The following YIPF4 variants were observed in gnomAD, a reference collection of about 807,000 sequenced individuals.
YIPF4 encodes the protein Yip1 domain family member 4.
Under a neutral mutation model 29.4 loss-of-function variants are expected in YIPF4, and 18 were observed. That is an observed-to-expected ratio of 0.61 (90% CI 0.42 to 0.91). The LOEUF (loss-of-function observed/expected upper bound fraction) is 0.91. Ranked by LOEUF, YIPF4 falls within the 40% of genes least tolerant of loss-of-function variation. The probability of loss-of-function intolerance (pLI) is 0.00; values close to 1 mark genes in which losing one functional copy is unlikely to be tolerated. For missense variants in YIPF4, 279 were observed against 282.7 expected (o/e 0.99, Z 0.09); for synonymous variants, 115 against 104.7 (o/e 1.10, Z -0.60).
chr2:32,284,015 C>T (rs964567044), intron 1 of YIPF4, among the ~76,000 whole-genome samples: 4 of 152,046 alleles, frequency 2.6e-5, no homozygotes, highest in East Asian at 1.9e-4. Context: ...TGAGTCACCA[C>T]GCCAGGCCTA....
At chr2:32,281,175 T>C (rs1042469521) in intron 1 of YIPF4, among the ~76,000 whole-genome samples, 1 of 152,102 alleles carries the variant, frequency 6.6e-6, no homozygotes, top group Non-Finnish European at 1.5e-5. Flanking sequence ...CATAATATCC[T>C]CACACAATAT....
rs1169106392 is a variant in YIPF4 at position 32,313,591 on chromosome 2, C to G, written c.*7965C>G. 1 of 152,124 alleles carries G rather than the reference C, an allele frequency of 6.6e-6. No homozygotes were observed. Among genetic ancestry groups the G allele is most frequent in the Non-Finnish European group, 1.5e-5 (1 of 68,070 alleles). 9.4% of individuals were successfully genotyped at this position (152,124 alleles called of 1,614,324 possible). A position where few individuals can be genotyped will look rare whatever the true frequency, so the allele number is the denominator to read the frequency against. On this transcript the variant is annotated 3_prime_UTR_variant, in exon 6 of 6. Coordinates refer to ENST00000238831, the MANE Select transcript of YIPF4 (RefSeq NM_032312.4). Reference sequence around the variant, plus strand: ...ATGTAGGCCAAGCGGGTCTTGAACTCCCAACCTCCGGTGATCTGCCCACCT... The same window carrying G: ...ATGTAGGCCAAGCGGGTCTTGAACTGCCAACCTCCGGTGATCTGCCCACCT...
chr2:32,281,089 T>C (rs2030387293), intron 1 of YIPF4, among the ~76,000 whole-genome samples: 2 of 152,224 alleles, frequency 1.3e-5, no homozygotes, highest in Non-Finnish European at 2.9e-5. Flanking sequence ...TAAAAATCCA[T>C]GAAGTTTATT....
chr2:32,288,293 G>C (rs1380199214), intron 1 of YIPF4, among the ~76,000 whole-genome samples: 1 of 152,074 alleles, frequency 6.6e-6, no homozygotes, highest in African/African-American at 2.4e-5. Flanking sequence ...TCTTGCATCT[G>C]CGCTATGACA....
At chr2:32,287,912 T>C (rs2030746372) in intron 1 of YIPF4, among the ~76,000 whole-genome samples, 1 of 152,206 alleles carries the variant, frequency 6.6e-6, no homozygotes, top group Non-Finnish European at 1.5e-5. Flanking sequence ...ATTTTATATA[T>C]AGTATAGTAA....
Position 32,306,976 on chromosome 2 carries a change from C to T in YIPF4, c.*1350C>T. The stretch of plus-strand genomic sequence containing the variant: ...CAAATGAGTGTGTTATCAAGCCCAG[C>T]CGTCTTCCTTTCCCCTAATCCCAAA... On this transcript the variant is annotated 3_prime_UTR_variant, in exon 6 of 6. Transcript: ENST00000238831. 4.0e-6 allele frequency: 2 copies of T among 505,474 alleles called. No homozygotes were observed. The highest frequency in any genetic ancestry group is 8.5e-5 in the East Asian group (1 of 11,826). The allele number at this position is 505,474 out of a possible 1,614,324, so 31.3% of individuals were successfully genotyped here. A position where few individuals can be genotyped will look rare whatever the true frequency, so the allele number is the denominator to read the frequency against.
Position 32,306,682 on chromosome 2 carries a change from T to G in YIPF4, c.*1056T>G. On this transcript the variant is annotated 3_prime_UTR_variant, in exon 6 of 6. Transcript: ENST00000238831. ...TAAGGGAAATATTAAGAAATTTTTA[T>G]CAGTGAAATATTTGTTGCAAATAAT... 2.4e-6 allele frequency: 2 copies of G among 821,568 alleles called. No homozygotes were observed. The highest frequency in any genetic ancestry group is 2.9e-6 in the Non-Finnish European group (2 of 680,540). The allele number at this position is 821,568 out of a possible 1,614,324, so 50.9% of individuals were successfully genotyped here.
intron 1 of YIPF4, among the ~76,000 whole-genome samples, chr2:32,288,231 A>G (rs1025727437): frequency 6.6e-6 from 1 of 152,066 alleles, no homozygotes; most frequent in African/African-American, 2.4e-5. Context: ...TCTACTTTAC[A>G]TGGAACAGAA....
chr2:32,284,159 A>C (rs1029391807), intron 1 of YIPF4, among the ~76,000 whole-genome samples: 5 of 152,226 alleles, frequency 3.3e-5, no homozygotes, highest in African/African-American at 1.2e-4. Context: ...ATATGTACCA[A>C]GACAAATGCC....
rs1247783979 is a variant in YIPF4, at chr2:32,307,090, T to G, written c.*1464T>G. 2 of 1,290,806 alleles carry G rather than the reference T, an allele frequency of 1.5e-6. No homozygotes were observed. Among genetic ancestry groups the G allele is most frequent in the South Asian group, 1.3e-5 (1 of 78,150 alleles). 80.0% of individuals were successfully genotyped at this position (1,290,806 alleles called of 1,614,324 possible). ...AATGTAGAAAATTACATGTACTGAT[T>G]TTTTTAAAAACAGGTGAGAAGCACC... On this transcript the variant is annotated 3_prime_UTR_variant, in exon 6 of 6. Coordinates refer to ENST00000238831, the MANE Select transcript of YIPF4 (RefSeq NM_032312.4).
At chr2:32,284,467 A>T (rs2030567027) in intron 1 of YIPF4, among the ~76,000 whole-genome samples, 3 of 152,184 alleles carry the variant, frequency 2.0e-5, no homozygotes, top group Non-Finnish European at 4.4e-5. Flanking sequence ...TGTTCTTGTC[A>T]TAGTGAGTTC....
At chr2:32,289,750 G>C (rs573803477) in intron 1 of YIPF4, among the ~76,000 whole-genome samples, 1 of 152,104 alleles carries the variant, frequency 6.6e-6, no homozygotes, top group Admixed American at 6.5e-5. Context: ...TTTTAATGTG[G>C]ATAACTGAAT....
rs181489493 is a variant in YIPF4 at position 32,289,020 on chromosome 2, C to G, written c.80-1463C>G. On this transcript the variant is annotated intron_variant, in intron 1 of 5. Coordinates refer to ENST00000238831, the MANE Select transcript of YIPF4 (RefSeq NM_032312.4). The stretch of plus-strand genomic sequence containing the variant: ...TCTATTAGAAATAGACTTTTAAATT[C>G]CACCTCTCTCATTTCAACTTAGACA... 2.1e-3 allele frequency among the ~76,000 whole-genome samples: 316 copies of G among 152,212 alleles called. 1 individual carries two copies. Among genetic ancestry groups the G allele is most frequent in the African/African-American group, 7.0e-3 (292 of 41,532 alleles).
At chr2:32,288,348 C>G (rs560157460) in intron 1 of YIPF4, among the ~76,000 whole-genome samples, 6 of 152,170 alleles carry the variant, frequency 3.9e-5, no homozygotes, top group African/African-American at 1.4e-4. Flanking sequence ...TTCCTTAGCA[C>G]TATAATTTAT....
intron 1 of YIPF4, among the ~76,000 whole-genome samples, chr2:32,280,637 C>T (rs2148956615): frequency 6.6e-6 from 1 of 152,230 alleles, no homozygotes; most frequent in African/African-American, 2.4e-5. Flanking sequence ...CTGCCTCGGC[C>T]TCCCAAAGTG....
At position 32,306,982 on chromosome 2, in the gene YIPF4, T is replaced by C. The variant is rs1280690283; in HGVS notation, c.*1356T>C. ...AGTGTGTTATCAAGCCCAGCCGTCT[T>C]CCTTTCCCCTAATCCCAAAAGGAAA... On this transcript the variant is annotated 3_prime_UTR_variant, in exon 6 of 6. Transcript: ENST00000238831. 1.2e-5 allele frequency: 7 copies of C among 566,200 alleles called. No individual in the cohort carries two copies. The highest frequency in any genetic ancestry group is 8.2e-5 in the African/African-American group (4 of 49,008). 35.1% of individuals were successfully genotyped at this position (566,200 alleles called of 1,614,324 possible). A position where few individuals can be genotyped will look rare whatever the true frequency, so the allele number is the denominator to read the frequency against.
intron 3 of YIPF4, among the ~76,000 whole-genome samples, chr2:32,293,579 G>A (rs371500095): frequency 9.2e-5 from 14 of 152,054 alleles, no homozygotes; most frequent in Admixed American, 7.2e-4. Context: ...CATTGTCATC[G>A]TGGCCCGTTC....
In YIPF4 at chr2:32,293,819, C is replaced by A. The variant is rs550308948; in HGVS notation, c.405+1471C>A. On this transcript the variant is annotated intron_variant, in intron 3 of 5. Coordinates refer to ENST00000238831, the MANE Select transcript of YIPF4 (RefSeq NM_032312.4). ...GCAGAGGCGCCCCTCACCTCCCGGACGGGGCGGCTGGCCAGGCGGGGGGCT... is the reference window on the plus strand; with the variant it reads ...GCAGAGGCGCCCCTCACCTCCCGGAAGGGGCGGCTGGCCAGGCGGGGGGCT... Among the ~76,000 whole-genome samples, 36 of 147,480 alleles carry A rather than the reference C, an allele frequency of 2.4e-4. No individual in the cohort carries two copies. In the South Asian group the frequency reaches 7.5e-3, roughly 31 times the overall value.
chr2:32,301,299 C>A, intron 4 of YIPF4, 83 bp from the exon 5 acceptor site: 1 of 805,516 alleles, frequency 1.2e-6, no homozygotes, highest in Non-Finnish European at 2.1e-6. Flanking sequence ...TTGAATACAG[C>A]AAGGAATATA....
Sources: allele counts gnomAD v4.1 joint callset (sites outside exome capture counted in the v4.1 genomes callset), GRCh38; gene constraint gnomAD v4.1.1; transcripts MANE v1.5; gene names NCBI Gene and HGNC (gene_info 2026-07-23, HGNC 2026-07-21).